MTFR1: variants seen among roughly 807,000 people sequenced by gnomAD.
MTFR1 encodes the protein chondrocyte protein with a poly-proline region.
A neutral mutation model predicts 38.8 loss-of-function variants in MTFR1; 28 were observed. The ratio of observed to expected loss-of-function variants is 0.72; its 90% CI spans 0.53 to 0.99. The LOEUF (loss-of-function observed/expected upper bound fraction) is 0.99. MTFR1 is among the 50% of genes least tolerant of loss of function. MTFR1 has a pLI of 0.00. For synonymous variants in MTFR1, 145 were observed against 137.0 expected (o/e 1.06, Z -0.41); for missense variants, 358 against 395.5 (o/e 0.91, Z 0.81).
chr8:65,662,511 G>C (rs1400381056), intron 1 of MTFR1, among the ~76,000 whole-genome samples: 2 of 148,710 alleles, frequency 1.3e-5, no homozygotes, highest in African/African-American at 4.9e-5. Flanking sequence ...GCCTCTGCCC[G>C]GCCGCCACCC....
intron 3 of MTFR1, chr8:65,724,875 T>C: frequency 6.2e-7 from 1 of 1,611,170 alleles, no homozygotes; most frequent in Non-Finnish European, 8.5e-7. Context: ...TGGCGACTGA[T>C]GTCTGTGGCT....
chr8:65,658,729 A>G (rs1809333017), intron 1 of MTFR1, among the ~76,000 whole-genome samples: 1 of 152,208 alleles, frequency 6.6e-6, no homozygotes, highest in Non-Finnish European at 1.5e-5. Flanking sequence ...AGTGTAACAC[A>G]GAAGAAAGTA....
chr8:65,668,525 C>CTTTTT (rs144265003), intron 1 of MTFR1, among the ~76,000 whole-genome samples: 1 of 127,026 alleles, frequency 7.9e-6, no homozygotes. Context: ...TTTCTTTTTT[C>CTTTTT]TTTTTTTTTT....
rs1450848725 is a variant in MTFR1, at chr8:65,704,809, C to T, written c.397C>T (p.Pro133Ser). 1.2e-6 allele frequency: 2 copies of T among 1,614,076 alleles called. No homozygotes were observed. The highest frequency in any genetic ancestry group is 1.7e-5 in the Admixed American group (1 of 60,006). Reference protein sequence around the residue: ...LSQEEPQLKTPALANEEALQK... With the variant: ...LSQEEPQLKTSALANEEALQK... ...TCAAGAAGAGCCTCAGCTGAAGACC[C>T]CAGCGCTGGCAAATGAGGAAGCACT... Residue 133 changes from proline to serine, a missense_variant, in exon 5 of 8, where the codon CCA (proline) becomes TCA (serine). By Grantham distance (74) the Pro-to-Ser change is moderately conservative. Coordinates refer to ENST00000262146, the MANE Select transcript of MTFR1 (RefSeq NM_014637.4).
chr8:65,647,572 A>C (rs1427199828), intron 1 of MTFR1, among the ~76,000 whole-genome samples: 1 of 152,132 alleles, frequency 6.6e-6, no homozygotes, highest in Non-Finnish European at 1.5e-5. Context: ...AGCCTCCTAA[A>C]GTGCTGGGAT....
At chr8:65,775,737 C>T (rs1367665634), downstream of MTFR1, among the ~76,000 whole-genome samples, 2 of 152,234 alleles carry the variant, frequency 1.3e-5, no homozygotes, top group Admixed American at 1.3e-4. Flanking sequence ...GAGTGATTCT[C>T]CTGCCTCAGC....
chr8:65,675,116 C>A (rs1249008031), intron 2 of MTFR1, among the ~76,000 whole-genome samples: 1 of 152,064 alleles, frequency 6.6e-6, no homozygotes, highest in Non-Finnish European at 1.5e-5. Context: ...CATAGTGAAA[C>A]CCTGTCTCTA....
chr8:65,698,743 T>G (rs2129057442), intron 4 of MTFR1, among the ~76,000 whole-genome samples: 1 of 152,004 alleles, frequency 6.6e-6, no homozygotes, highest in Admixed American at 6.5e-5. Context: ...TTTTTTTTTT[T>G]TTGAGACAGA....
At chr8:65,737,165 C>T (rs555990477) in intron 3 of MTFR1, among the ~76,000 whole-genome samples, 28 of 152,212 alleles carry the variant, frequency 1.8e-4, no homozygotes, top group African/African-American at 6.0e-4. Flanking sequence ...CTCCCAAGGA[C>T]AGTATAGAGC....
chr8:65,681,312 G>T (rs568620848), intron 2 of MTFR1, among the ~76,000 whole-genome samples: 20 of 152,258 alleles, frequency 1.3e-4, no homozygotes, highest in Middle Eastern at 3.4e-3. Context: ...TAGAGATGGG[G>T]TTTTGCCATG....
At chr8:65,668,234 G>C (rs1415623906) in intron 1 of MTFR1, among the ~76,000 whole-genome samples, 2 of 144,102 alleles carry the variant, frequency 1.4e-5, no homozygotes, top group Non-Finnish European at 3.0e-5. Flanking sequence ...CTAGAGTGTA[G>C]TGGCGTGATC....
At chr8:65,763,185 A>G (rs1184481236) in intron 3 of MTFR1, among the ~76,000 whole-genome samples, 1 of 152,232 alleles carries the variant, frequency 6.6e-6, no homozygotes, top group Non-Finnish European at 1.5e-5. Context: ...TGTTATACAT[A>G]TAACATTGAT....
At chr8:65,739,677 G>C (rs992942581) in intron 3 of MTFR1, 11 of 1,263,324 alleles carry the variant, frequency 8.7e-6, no homozygotes, top group Non-Finnish European at 1.1e-5. Flanking sequence ...TACAGATTTT[G>C]AATATAAAAC....
downstream of MTFR1, among the ~76,000 whole-genome samples, chr8:65,713,903 G>A (rs185447390): frequency 1.3e-5 from 2 of 152,024 alleles, no homozygotes; most frequent in Admixed American, 1.3e-4. Context: ...GGCCAGGTTG[G>A]TCTCGAACTC....
intron 3 of MTFR1, among the ~76,000 whole-genome samples, chr8:65,740,576 A>G (rs1807374936): frequency 6.6e-6 from 1 of 151,968 alleles, no homozygotes; most frequent in Non-Finnish European, 1.5e-5. Context: ...AATTTTTTGT[A>G]TTTTTAGTAG....
intron 3 of MTFR1, among the ~76,000 whole-genome samples, chr8:65,754,305 T>A (rs1319824548): frequency 6.6e-6 from 1 of 151,986 alleles, no homozygotes; most frequent in Non-Finnish European, 1.5e-5. Flanking sequence ...CAAATGTTAA[T>A]CTCTTTTGGT....
At chr8:65,698,909 A>G (rs896449629) in intron 4 of MTFR1, among the ~76,000 whole-genome samples, 12 of 152,062 alleles carry the variant, frequency 7.9e-5, no homozygotes, top group African/African-American at 2.7e-4. Context: ...TTGAATTTTT[A>G]GTAGAGACAG....
In MTFR1 at chr8:65,669,629, G is replaced by T. The variant is rs34951351; in HGVS notation, c.-80-244G>T. Among the ~76,000 whole-genome samples the T allele has an allele frequency of 6.6e-3, 994 of 151,526 alleles. 8 individuals carry two copies. The highest frequency in any genetic ancestry group is 0.011 in the Non-Finnish European group (720 of 67,934). Reference sequence around the variant, plus strand: ...TACAATGGCGCGATCTTGGCTCACCGCAACCTCCGCCTCCTGGGTTCAAGC... The same window carrying T: ...TACAATGGCGCGATCTTGGCTCACCTCAACCTCCGCCTCCTGGGTTCAAGC... On this transcript the variant is annotated intron_variant, in intron 1 of 7. Coordinates refer to ENST00000262146, the MANE Select transcript of MTFR1 (RefSeq NM_014637.4).
chr8:65,757,004 C>G (rs1008394402), intron 3 of MTFR1, among the ~76,000 whole-genome samples: 1 of 152,116 alleles, frequency 6.6e-6, no homozygotes. Context: ...CCATGCCCTC[C>G]GTAGGTGCAC....
Sources: gnomAD v4.1 joint callset for allele counts (sites outside exome capture counted in the v4.1 genomes callset) on GRCh38, gnomAD v4.1.1 for gene constraint, MANE v1.5 for transcripts, NCBI Gene and HGNC (gene_info 2026-07-23, HGNC 2026-07-21) for gene names.